The following BPIFC variants were observed in gnomAD, a reference collection of about 807,000 sequenced individuals.
BPIFC encodes the protein BPI fold-containing family C protein.
BPIFC carries 60 observed loss-of-function variants against 57.6 expected under a neutral mutation model. That is an observed-to-expected ratio of 1.04 (90% CI 0.85 to 1.29). BPIFC has a LOEUF of 1.29. Ranked by LOEUF, BPIFC falls within the 50% of genes most tolerant of loss-of-function variation. BPIFC has a pLI of 0.00. For missense variants in BPIFC, 581 were observed against 600.5 expected (o/e 0.97, Z 0.34); for synonymous variants, 243 against 224.5 (o/e 1.08, Z -0.74).
rs757410307 is a variant in BPIFC at position 32,432,428 on chromosome 22, A to G, written c.1094T>C (p.Met365Thr). The G allele has an allele frequency of 8.7e-6, 14 of 1,613,982 alleles. No individual in the cohort carries two copies. Among genetic ancestry groups the G allele is most frequent in the Non-Finnish European group, 1.1e-5 (13 of 1,180,038 alleles). The change falls in exon 12 of 17, where the codon ATG (methionine) becomes ACG (threonine). Residue 365 changes from methionine (M) to threonine (T), a missense_variant. By Grantham distance (81) the Met-to-Thr change is moderately conservative. Coordinates refer to ENST00000300399, the MANE Select transcript of BPIFC (RefSeq NM_174932.3). ...NFTLDIPASI[M>T]MLTQPKNSTV... ...GGAGTTCTTGGGTTGGGTGAGCATC[A>G]TGATGGAGGCAGGGATGTCCAGGGT...
rs78469100 is a variant in BPIFC at position 32,445,928 on chromosome 22, C to T, written c.443G>A (p.Arg148Gln). ...CAGGGTAGGATGACCAAAGTCATTT[C>T]GGGTTAGGATAATGATACCGGTAAA... ...VYFTGIIILT[R>Q]NDFGHPTLKL... Residue 148 changes from arginine (R) to glutamine (Q), a missense_variant, in exon 6 of 17, where the codon CGA (arginine) becomes CAA (glutamine). Physicochemically the swap from Arg to Gln is conservative, Grantham distance 43 (BLOSUM62 1). Transcript: ENST00000300399. 41 of 1,613,952 alleles carry T rather than the reference C, an allele frequency of 2.5e-5. No homozygotes were observed. In the East Asian group the frequency reaches 4.9e-4, roughly 19 times the overall value.
At chr22:32,460,518 C>T (rs997496434) in intron 2 of BPIFC, among the ~76,000 whole-genome samples, 1 of 152,228 alleles carries the variant, frequency 6.6e-6, no homozygotes, top group African/African-American at 2.4e-5. Context: ...AACCTGCTTA[C>T]ATCTCTCACC....
At position 32,437,763 on chromosome 22, in the gene BPIFC, C is replaced by G. The variant is rs1353943964; in HGVS notation, c.744G>C (p.Leu248Phe). Residue 248 changes from leucine (L) to phenylalanine (F), a missense_variant, in exon 9 of 17, where the codon TTG (leucine) becomes TTC (phenylalanine). Coordinates refer to ENST00000300399, the MANE Select transcript of BPIFC (RefSeq NM_174932.3). ...EITENYLDLN[L>F]KGVFYPLENL... ...ATTCTGATGATGATAAAGTTACCTT[C>G]AAGTTCAGGTCAAGGTAGTTCTCAG... 1 of 1,590,082 alleles carries G rather than the reference C, an allele frequency of 6.3e-7. No individual in the cohort carries two copies. The highest frequency in any genetic ancestry group is 1.1e-5 in the South Asian group (1 of 90,554).
At position 32,445,713 on chromosome 22, in the gene BPIFC, G is replaced by GA. The variant is rs61507713; in HGVS notation, c.531-16dup. On this transcript the variant is annotated splice_polypyrimidine_tract_variant and intron_variant, in intron 6 of 16. Coordinates refer to ENST00000300399, the MANE Select transcript of BPIFC (RefSeq NM_174932.3). ...TATACAGAACACTGAGGAAAAAAAT[G>GA]AAAAAAAAAAAAAAAAAAAAAAGAG... 0.22 allele frequency: 150,813 copies of GA among 699,088 alleles called. 4,628 individuals are homozygous for GA. Among genetic ancestry groups the GA allele is most frequent in the Non-Finnish European group, 0.23 (116,639 of 511,518 alleles). 43.3% of individuals were successfully genotyped at this position (699,088 alleles called of 1,614,324 possible).
At chr22:32,418,295 A>G (rs139563765) in intron 14 of BPIFC, among the ~76,000 whole-genome samples, 2 of 152,218 alleles carry the variant, frequency 1.3e-5, no homozygotes, top group Non-Finnish European at 2.9e-5. Context: ...TAAACACTAT[A>G]TTTGTTTGTT....
intron 11 of BPIFC, 105 bp downstream of exon 11, chr22:32,433,614 A>G (rs1399756773): frequency 1.0e-6 from 1 of 968,348 alleles, no homozygotes; most frequent in African/African-American, 1.6e-5. Flanking sequence ...CCAATAATAG[A>G]CAGAGGGACT....
intron 13 of BPIFC, among the ~76,000 whole-genome samples, chr22:32,423,127 T>G (rs1326038776): frequency 6.6e-6 from 1 of 152,162 alleles, no homozygotes; most frequent in African/African-American, 2.4e-5. Flanking sequence ...GTTGGCCGGC[T>G]TGAGAAGTAG....
chr22:32,441,601 G>A (rs1306532960), intron 8 of BPIFC, among the ~76,000 whole-genome samples: 1 of 152,148 alleles, frequency 6.6e-6, no homozygotes, highest in Non-Finnish European at 1.5e-5. Context: ...GTCAGGTAAG[G>A]TTTCCTGGAA....
chr22:32,433,663 GA>G, intron 11 of BPIFC, 55 bp downstream of exon 11: 1 of 1,490,170 alleles, frequency 6.7e-7, no homozygotes, highest in Non-Finnish European at 9.4e-7. Context: ...AAGTCTTCCA[GA>G]AGTAATTGCA....
intron 13 of BPIFC, among the ~76,000 whole-genome samples, chr22:32,426,021 T>G (rs1934057999): frequency 6.6e-6 from 1 of 152,204 alleles, no homozygotes; most frequent in African/African-American, 2.4e-5. Context: ...CCAGACCAGC[T>G]AGTCTGACTC....
chr22:32,432,221 T>C (rs5998490), intron 12 of BPIFC, 152 bp downstream of exon 12: 215,058 of 802,420 alleles, frequency 0.27, 31,651 homozygotes, highest in African/African-American at 0.31. Context: ...ACTGGAATTA[T>C]AGGCATGAGC....
intron 8 of BPIFC, among the ~76,000 whole-genome samples, chr22:32,440,823 C>T (rs1934545437): frequency 6.6e-6 from 1 of 152,134 alleles, no homozygotes; most frequent in Non-Finnish European, 1.5e-5. Flanking sequence ...CCACCCTAGG[C>T]CGGCCACCAT....
At chr22:32,431,815 G>A (rs1934250895) in intron 12 of BPIFC, among the ~76,000 whole-genome samples, 1 of 152,122 alleles carries the variant, frequency 6.6e-6, no homozygotes, top group South Asian at 2.1e-4. Context: ...GAGAATTCCA[G>A]CTGTCCATGT....
At chr22:32,420,516 T>G (rs1260219820) in intron 13 of BPIFC, among the ~76,000 whole-genome samples, 1 of 152,132 alleles carries the variant, frequency 6.6e-6, no homozygotes, top group African/African-American at 2.4e-5. Flanking sequence ...AAGCATTAGC[T>G]AAGAAAGCTA....
intron 8 of BPIFC, among the ~76,000 whole-genome samples, chr22:32,441,148 A>C (rs567594550): frequency 6.6e-6 from 1 of 151,922 alleles, no homozygotes; most frequent in African/African-American, 2.4e-5. Flanking sequence ...TGAGATATTC[A>C]GCCTCAGGGT....
rs138812562 is a variant in BPIFC, at chr22:32,434,777, T to C, written c.924+927A>G. On this transcript the variant is annotated intron_variant, in intron 10 of 16. Coordinates refer to ENST00000300399, the MANE Select transcript of BPIFC (RefSeq NM_174932.3). ...CTTACCATTCTGAACATAAGCTTTA[T>C]ACCTACTTATATAATTAAAACATAT... Among the ~76,000 whole-genome samples the C allele has an allele frequency of 9.5e-3, 1,444 of 152,316 alleles. 19 individuals carry two copies. Among genetic ancestry groups the C allele is most frequent in the South Asian group, 0.044 (213 of 4,826 alleles).
In BPIFC at chr22:32,439,101, G is replaced by A. The variant is rs1378963364; in HGVS notation, c.656-1250C>T. ...AGCACTTTGGGAGGCTGAGGTGGGCGGATCACCTGAGGTCAGGAGTTTGAG... is the reference window on the plus strand; with the variant it reads ...AGCACTTTGGGAGGCTGAGGTGGGCAGATCACCTGAGGTCAGGAGTTTGAG... On this transcript the variant is annotated intron_variant, in intron 8 of 16. Transcript: ENST00000300399. Among the ~76,000 whole-genome samples the A allele has an allele frequency of 3.9e-5, 6 of 152,120 alleles. No individual in the cohort carries two copies. In the East Asian group the frequency reaches 7.7e-4, roughly 20 times the overall value.
intron 3 of BPIFC, among the ~76,000 whole-genome samples, chr22:32,456,452 C>G (rs1935040629): frequency 6.7e-6 from 1 of 150,154 alleles, no homozygotes; most frequent in Non-Finnish European, 1.5e-5. Context: ...CCCTCCCTCC[C>G]TCCCTCCCTT....
Position 32,450,291 on chromosome 22 carries a change from G to T in BPIFC, c.246-2951C>A, listed in dbSNP as rs533418257. Among the ~76,000 whole-genome samples, 4 of 152,236 alleles carry T rather than the reference G, an allele frequency of 2.6e-5. No homozygotes were observed. In the South Asian group the frequency reaches 6.2e-4, roughly 24 times the overall value. ...TTCAGTGCAGTCTCATGTTTTACAG[G>T]TTTGTAGCCTAGGAGCAACAGGCTA... On this transcript the variant is annotated intron_variant, in intron 4 of 16. Coordinates refer to ENST00000300399, the MANE Select transcript of BPIFC (RefSeq NM_174932.3).
Sources: gnomAD v4.1 joint callset for allele counts (sites outside exome capture counted in the v4.1 genomes callset) on GRCh38, gnomAD v4.1.1 for gene constraint, MANE v1.5 for transcripts, NCBI Gene and HGNC (gene_info 2026-07-23, HGNC 2026-07-21) for gene names.